Variants in GRIN2B observed in about 807,000 individuals in gnomAD.
GRIN2B encodes glutamate receptor ionotropic, NMDA 2B.
GRIN2B carries 5 observed loss-of-function variants against 114.5 expected under a neutral mutation model. The ratio of observed to expected loss-of-function variants is 0.04; its 90% CI spans 0.02 to 0.09. The LOEUF (loss-of-function observed/expected upper bound fraction) is 0.09. Among genes scored for constraint, GRIN2B ranks in the 10% least tolerant of loss-of-function variants. The pLI is 1.00. For missense variants in GRIN2B, 1,108 were observed against 1,943.5 expected (o/e 0.57, Z 8.08); for synonymous variants, 787 against 745.1 (o/e 1.06, Z -0.92).
chr12:13,968,489 G>A (rs940421192), intron 2 of GRIN2B, among the ~76,000 whole-genome samples: 2 of 152,112 alleles, frequency 1.3e-5, no homozygotes, highest in Non-Finnish European at 2.9e-5. Context: ...TGCTGGCCAG[G>A]GTGGGGCCAA....
intron 3 of GRIN2B, among the ~76,000 whole-genome samples, chr12:13,790,799 T>C (rs1236684721): frequency 6.6e-6 from 1 of 152,214 alleles, no homozygotes; most frequent in Admixed American, 6.5e-5. Context: ...AGGACCATTA[T>C]GAGGACCTAT....
intron 3 of GRIN2B, among the ~76,000 whole-genome samples, chr12:13,791,820 A>T (rs987992141): frequency 1.3e-5 from 2 of 152,216 alleles, no homozygotes; most frequent in Non-Finnish European, 1.5e-5. Context: ...CATTTGAATT[A>T]TTCTCTTGTA....
intron 2 of GRIN2B, among the ~76,000 whole-genome samples, chr12:13,916,710 T>TACACACACACAC (rs144748589): frequency 3.0e-5 from 3 of 100,258 alleles, no homozygotes; most frequent in Admixed American, 9.5e-5. Flanking sequence ...TACATATACA[T>TACACACACACAC]ATACACACAC....
rs1273354495 is a variant in GRIN2B, at chr12:13,539,558, A to G, written c.*23225T>C. On this transcript the variant is annotated 3_prime_UTR_variant, in exon 14 of 14. Transcript: ENST00000609686. ...GGGACTGGGAGTGGGGTGGGAAACA[A>G]TCAGCAAAACAAGGGCTGGTTTGCT... The G allele has an allele frequency of 6.6e-6, 1 of 152,234 alleles. No homozygotes were observed. Among genetic ancestry groups the G allele is most frequent in the African/African-American group, 2.4e-5 (1 of 41,464 alleles). 9.4% of individuals were successfully genotyped at this position (152,234 alleles called of 1,614,324 possible). A position where few individuals can be genotyped will look rare whatever the true frequency, so the allele number is the denominator to read the frequency against.
At chr12:13,801,048 G>A (rs190027498) in intron 3 of GRIN2B, among the ~76,000 whole-genome samples, 20 of 152,102 alleles carry the variant, frequency 1.3e-4, no homozygotes, top group East Asian at 3.9e-4. Flanking sequence ...TGCCTAATAC[G>A]CCGGAGATTT....
intron 2 of GRIN2B, among the ~76,000 whole-genome samples, chr12:13,910,442 A>T (rs573211678): frequency 6.6e-6 from 1 of 152,368 alleles, no homozygotes; most frequent in African/African-American, 2.4e-5. Context: ...AGCAATAGGC[A>T]GCCTTCTCTT....
intron 8 of GRIN2B, among the ~76,000 whole-genome samples, chr12:13,612,547 A>C (rs1030834881): frequency 6.6e-6 from 1 of 152,232 alleles, no homozygotes; most frequent in Non-Finnish European, 1.5e-5. Context: ...GAACATGTCT[A>C]AGCTGTAATT....
rs1806191 is a variant in GRIN2B, at chr12:13,563,704, G to A, written c.3534C>T (p.His1178=). The A allele has an allele frequency of 0.46, 744,111 of 1,613,184 alleles. 184,050 individuals are homozygous for A. The highest frequency in any genetic ancestry group is 0.52 in the Non-Finnish European group (609,554 of 1,179,862). Residue 1178 remains histidine (H), a synonymous_variant, in exon 14 of 14, where the codon CAC becomes CAT. Coordinates refer to ENST00000609686, the MANE Select transcript of GRIN2B (RefSeq NM_000834.5). The part of the protein sequence containing the change: ...SGGGPCTNRS[H]IKHGTGDKHG... ...GTTTGTCGCCCGTCCCGTGCTTGAT[G>A]TGAGACCTGTTGGTACAGGGCCCTC...
intron 3 of GRIN2B, among the ~76,000 whole-genome samples, chr12:13,858,737 T>C (rs905311086): frequency 1.3e-5 from 2 of 152,250 alleles, no homozygotes; most frequent in African/African-American, 2.4e-5. Context: ...TATTCCGTTA[T>C]GTTTTTAGAA....
intron 3 of GRIN2B, among the ~76,000 whole-genome samples, chr12:13,776,318 G>T (rs1348011776): frequency 6.6e-6 from 1 of 152,180 alleles, no homozygotes; most frequent in Admixed American, 6.5e-5. Flanking sequence ...GCTAATGGAT[G>T]CTGGGCTTAA....
At chr12:13,700,221 G>C (rs1418323638) in intron 4 of GRIN2B, among the ~76,000 whole-genome samples, 2 of 152,090 alleles carry the variant, frequency 1.3e-5, no homozygotes, top group African/African-American at 4.8e-5. Context: ...GGATTTGAAA[G>C]AGAAACTGAT....
chr12:13,980,024 A>G lies in GRIN2B; in HGVS notation c.-115T>C, dbSNP rs1863103246. The G allele has an allele frequency of 6.6e-6, 1 of 152,202 alleles. No homozygotes were observed. Among genetic ancestry groups the G allele is most frequent in the Admixed American group, 6.5e-5 (1 of 15,286 alleles). The allele number at this position is 152,202 out of a possible 1,614,324, so 9.4% of individuals were successfully genotyped here. On this transcript the variant is annotated 5_prime_UTR_variant, in exon 2 of 14. Coordinates refer to ENST00000609686, the MANE Select transcript of GRIN2B (RefSeq NM_000834.5). ...TTCTTCTCGCTTGCATATCCACATA[A>G]GAAAGACGAAGGATAAATGAACGGA...
intron 2 of GRIN2B, among the ~76,000 whole-genome samples, chr12:13,916,239 C>T (rs1473114033): frequency 3.3e-5 from 5 of 152,116 alleles, no homozygotes; most frequent in Admixed American, 1.3e-4. Flanking sequence ...TTGCATTAAT[C>T]TTGCCAAGAT....
chr12:13,658,975 C>T (rs865807792), intron 5 of GRIN2B, among the ~76,000 whole-genome samples: 2 of 152,268 alleles, frequency 1.3e-5, no homozygotes, highest in Middle Eastern at 3.4e-3. Context: ...CCTGTACCCA[C>T]CCAGAGGCAT....
At chr12:13,616,783 A>T in intron 5 of GRIN2B, 126 bp from the exon 6 acceptor site, 1 of 754,164 alleles carries the variant, frequency 1.3e-6, no homozygotes, top group East Asian at 2.6e-5. Flanking sequence ...AACATTGTAC[A>T]TACTAGAGAT....
At chr12:13,773,176 T>A (rs1017731208) in intron 3 of GRIN2B, among the ~76,000 whole-genome samples, 1 of 152,152 alleles carries the variant, frequency 6.6e-6, no homozygotes, top group African/African-American at 2.4e-5. Flanking sequence ...CATCCAGCAA[T>A]AAAGGAACTG....
chr12:13,851,300 T>C (rs1209972128), intron 3 of GRIN2B, among the ~76,000 whole-genome samples: 1 of 152,174 alleles, frequency 6.6e-6, no homozygotes, highest in Non-Finnish European at 1.5e-5. Flanking sequence ...TCCCTTCTGT[T>C]TTCATTTCCT....
chr12:13,541,292 C>T lies in GRIN2B; in HGVS notation c.*21491G>A, dbSNP rs955399694. ...AACAAAGCTCCCATAAATCTATTCC[C>T]TCTGCTCCAACAATTTTGCCCCTCA... On this transcript the variant is annotated 3_prime_UTR_variant, in exon 14 of 14. Coordinates refer to ENST00000609686, the MANE Select transcript of GRIN2B (RefSeq NM_000834.5). 4 of 152,218 alleles carry T rather than the reference C, an allele frequency of 2.6e-5. No individual in the cohort carries two copies. Among genetic ancestry groups the T allele is most frequent in the African/African-American group, 4.8e-5 (2 of 41,452 alleles). 9.4% of individuals were successfully genotyped at this position (152,218 alleles called of 1,614,324 possible).
At position 13,903,224 on chromosome 12, in the gene GRIN2B, T is replaced by C. The variant is rs189713064; in HGVS notation, c.-18-36998A>G. 3.0e-3 allele frequency among the ~76,000 whole-genome samples: 451 copies of C among 152,278 alleles called. 2 individuals are homozygous for C. The highest frequency in any genetic ancestry group is 0.01 in the African/African-American group (423 of 41,578). ...AATACTTTGCAATATATGTTTATCA[T>C]AAATTTCTTTTATTCTTACTCTCAT... On this transcript the variant is annotated intron_variant, in intron 2 of 13. Coordinates refer to ENST00000609686, the MANE Select transcript of GRIN2B (RefSeq NM_000834.5).
Sources: gnomAD v4.1 joint callset for allele counts (sites outside exome capture counted in the v4.1 genomes callset) on GRCh38, gnomAD v4.1.1 for gene constraint, MANE v1.5 for transcripts, NCBI Gene and HGNC (gene_info 2026-07-23, HGNC 2026-07-21) for gene names.